SLC30A8: variants seen among roughly 807,000 people sequenced by gnomAD.
SLC30A8 encodes the protein solute carrier family 30 member 8, also known as proton-coupled zinc antiporter SLC30A8.
SLC30A8 carries 27 observed loss-of-function variants against 36.9 expected under a neutral mutation model. The observed-to-expected ratio is 0.73, with a 90% CI of 0.54 to 1.01. The LOEUF is 1.01. SLC30A8 is among the 50% of genes least tolerant of loss of function. The pLI, the probability that SLC30A8 is intolerant of heterozygous loss-of-function variation, is 0.00. For synonymous variants in SLC30A8, 164 were observed against 172.4 expected (o/e 0.95, Z 0.38); for missense variants, 439 against 452.0 (o/e 0.97, Z 0.26).
At chr8:116,990,949 T>TGA (rs139541141) in intron 1 of SLC30A8, among the ~76,000 whole-genome samples, 2 of 152,060 alleles carry the variant, frequency 1.3e-5, no homozygotes, top group African/African-American at 4.8e-5. Flanking sequence ...ACAGAAAGAC[T>TGA]GAGAGAGAGA....
chr8:116,995,223 A>G (rs879926359), intron 1 of SLC30A8, among the ~76,000 whole-genome samples: 22 of 152,068 alleles, frequency 1.4e-4, no homozygotes, highest in East Asian at 1.4e-3. Context: ...GCAAGGTTTA[A>G]TGCATCTTTG....
chr8:116,968,645 A>G (rs1586339069), intron 1 of SLC30A8, among the ~76,000 whole-genome samples: 1 of 129,368 alleles, frequency 7.7e-6, no homozygotes, highest in African/African-American at 2.7e-5. Context: ...TCTCATGACA[A>G]TGAATATATA....
chr8:117,084,299 G>A (rs556560016), intron 2 of SLC30A8, among the ~76,000 whole-genome samples: 1 of 152,254 alleles, frequency 6.6e-6, no homozygotes, highest in Admixed American at 6.5e-5. Flanking sequence ...CATCCATGAA[G>A]AGACGACTGG....
intron 2 of SLC30A8, among the ~76,000 whole-genome samples, chr8:117,088,166 A>C (rs1445132046): frequency 6.6e-6 from 1 of 152,174 alleles, no homozygotes; most frequent in African/African-American, 2.4e-5. Flanking sequence ...GAACTTGGAC[A>C]GGTGAGAAAA....
chr8:117,143,666 AC>A (rs1437617217), intron 1 of SLC30A8, among the ~76,000 whole-genome samples: 1 of 230 alleles, frequency 4.3e-3, no homozygotes, highest in Non-Finnish European at 9.1e-3. Context: ...CTCCCATAAA[AC>A]ACACACACAC....
intron 3 of SLC30A8, among the ~76,000 whole-genome samples, chr8:117,153,675 G>A (rs60124396): frequency 0.13 from 20,234 of 151,802 alleles, 2,646 homozygotes; most frequent in African/African-American, 0.34. Context: ...TTCCTTCACT[G>A]AATAACTGCT....
In SLC30A8 at chr8:117,013,230, A is replaced by G. The variant is rs370133804; in HGVS notation, c.-265-25989A>G. On this transcript the variant is annotated intron_variant, in intron 1 of 10. Coordinates refer to the SLC30A8 transcript ENST00000427715. ...TGGACAATGAGGCACAAGGAAAAGC[A>G]TAAGAATGTTTCTTTGCCATTTTAG... is the stretch of plus-strand genomic sequence containing the variant. 5.3e-5 allele frequency among the ~76,000 whole-genome samples: 8 copies of G among 152,328 alleles called. No homozygotes were observed. In the East Asian group the frequency reaches 1.5e-3, roughly 29 times the overall value.
intron 1 of SLC30A8, among the ~76,000 whole-genome samples, chr8:117,005,821 G>A (rs543592208): frequency 2.0e-5 from 3 of 152,144 alleles, no homozygotes; most frequent in Admixed American, 6.5e-5. Flanking sequence ...ACCTAATTTC[G>A]TCAACTTCAT....
intron 7 of SLC30A8, 91 bp downstream of exon 7, chr8:117,171,259 T>C: frequency 2.2e-6 from 3 of 1,367,134 alleles, no homozygotes; most frequent in Non-Finnish European, 3.1e-6. Context: ...CTGCCCTTAT[T>C]GTCTGTTGCT....
rs112693359 is a variant in SLC30A8, at chr8:117,135,611, G to A, written c.71+213G>A. On this transcript the variant is annotated intron_variant, in intron 1 of 7. Coordinates refer to ENST00000456015, the MANE Select transcript of SLC30A8 (RefSeq NM_173851.3). ...TCCTTAAATATCCTAAGTGCATAAA[G>A]AACACATTTTACTGATGTGTTTTTC... 2.3e-3 allele frequency among the ~76,000 whole-genome samples: 349 copies of A among 151,980 alleles called. 1 individual carries two copies. The highest frequency in any genetic ancestry group is 7.9e-3 in the African/African-American group (328 of 41,498).
rs539759827 is a variant in SLC30A8, at chr8:117,044,807, CAG to C, written c.-226+5551_-226+5552del. On this transcript the variant is annotated intron_variant, in intron 2 of 10. Coordinates refer to the SLC30A8 transcript ENST00000427715. ...CACAATTGGTTAAAATTCGGGGAAT[CAG>C]ATCCTCCTGGGCGGTGGGGGAAATA... Among the ~76,000 whole-genome samples, 47 of 152,332 alleles carry C rather than the reference CAG, an allele frequency of 3.1e-4. No individual in the cohort carries two copies. The South Asian group carries it at 9.1e-3, about 30-fold the overall frequency.
At chr8:116,958,303 G>A (rs941849863) in intron 1 of SLC30A8, among the ~76,000 whole-genome samples, 1 of 149,884 alleles carries the variant, frequency 6.7e-6, no homozygotes, top group Admixed American at 6.7e-5. Flanking sequence ...GTTTCCATCT[G>A]GTATTATTTT....
At chr8:117,118,916 C>T (rs986587559) in intron 2 of SLC30A8, among the ~76,000 whole-genome samples, 16 of 151,862 alleles carry the variant, frequency 1.1e-4, no homozygotes, top group African/African-American at 2.9e-4. Flanking sequence ...CAGTTAACAT[C>T]GAAACTCACT....
intron 1 of SLC30A8, among the ~76,000 whole-genome samples, chr8:117,030,313 T>A (rs1384860216): frequency 6.6e-6 from 1 of 152,028 alleles, no homozygotes; most frequent in African/African-American, 2.4e-5. Context: ...ATGCTCTGCA[T>A]GTAAAAATAT....
At chr8:116,993,201 G>T (rs545857640) in intron 1 of SLC30A8, among the ~76,000 whole-genome samples, 1 of 151,238 alleles carries the variant, frequency 6.6e-6, no homozygotes. Context: ...TAGAAGCTCT[G>T]CAGTGCTAGA....
At chr8:116,953,418 A>C (rs1814069704) in intron 1 of SLC30A8, among the ~76,000 whole-genome samples, 1 of 152,098 alleles carries the variant, frequency 6.6e-6, no homozygotes, top group African/African-American at 2.4e-5. Flanking sequence ...TTATTGTTCC[A>C]TGCTGAGTCA....
chr8:117,078,567 A>C (rs1205613024), intron 2 of SLC30A8, among the ~76,000 whole-genome samples: 1 of 152,126 alleles, frequency 6.6e-6, no homozygotes, highest in Non-Finnish European at 1.5e-5. Flanking sequence ...TCAGTTCCTC[A>C]TCTGCAAAGT....
chr8:117,125,854 GTT>G (rs1386747770), intron 2 of SLC30A8, among the ~76,000 whole-genome samples: 1 of 151,936 alleles, frequency 6.6e-6, no homozygotes, highest in Non-Finnish European at 1.5e-5. Flanking sequence ...TATTCTGCAA[GTT>G]TTAGTAAAAG....
chr8:117,040,327 C>G (rs950082483), intron 2 of SLC30A8, among the ~76,000 whole-genome samples: 9 of 152,166 alleles, frequency 5.9e-5, no homozygotes, highest in Non-Finnish European at 1.5e-5. Flanking sequence ...TTGGAATGAA[C>G]ATGAGATTCC....
Sources: allele counts gnomAD v4.1 joint callset (sites outside exome capture counted in the v4.1 genomes callset), GRCh38; gene constraint gnomAD v4.1.1; transcripts MANE v1.5; gene names NCBI Gene and HGNC (gene_info 2026-07-23, HGNC 2026-07-21).